The following RNF220 variants were observed in gnomAD, a reference collection of about 807,000 sequenced individuals.
The protein encoded by RNF220 is ring finger protein 220.
In RNF220, 7 loss-of-function variants were observed where a neutral mutation model predicts 67.1. That is an observed-to-expected ratio of 0.10 (90% CI 0.06 to 0.20). RNF220 has a LOEUF of 0.20. Among genes scored for constraint, RNF220 ranks in the 10% least tolerant of loss-of-function variants. The pLI is 1.00. For synonymous variants in RNF220, 270 were observed against 283.2 expected (o/e 0.95, Z 0.47); for missense variants, 565 against 740.3 (o/e 0.76, Z 2.75).
intron 2 of RNF220, among the ~76,000 whole-genome samples, chr1:44,438,936 A>G (rs1651267887): frequency 6.6e-6 from 1 of 152,220 alleles, no homozygotes; most frequent in Non-Finnish European, 1.5e-5. Context: ...ATAAATCTCC[A>G]TCACCATCAC....
chr1:44,614,112 GC>G, intron 2 of RNF220, 52 bp from the exon 3 acceptor site: 1 of 1,606,516 alleles, frequency 6.2e-7, no homozygotes, highest in Non-Finnish European at 8.5e-7. Flanking sequence ...TGCTGGGTCT[GC>G]CTCCTGGACT....
At chr1:44,572,596 A>G (rs1664518374) in intron 2 of RNF220, among the ~76,000 whole-genome samples, 1 of 151,830 alleles carries the variant, frequency 6.6e-6, no homozygotes, top group African/African-American at 2.4e-5. Flanking sequence ...GCAATATCCT[A>G]TTTACTGTTC....
At chr1:44,472,600 T>C (rs1267588381) in intron 2 of RNF220, among the ~76,000 whole-genome samples, 1 of 152,190 alleles carries the variant, frequency 6.6e-6, no homozygotes, top group Non-Finnish European at 1.5e-5. Context: ...ACATTTTGAA[T>C]GGTTCCCAAT....
intron 2 of RNF220, among the ~76,000 whole-genome samples, chr1:44,499,496 G>A (rs1657637023): frequency 6.6e-6 from 1 of 152,028 alleles, no homozygotes; most frequent in African/African-American, 2.4e-5. Flanking sequence ...TCCTCACTCC[G>A]CTTCTAGGAC....
chr1:44,602,994 C>T (rs1667032195), intron 2 of RNF220, among the ~76,000 whole-genome samples: 3 of 152,084 alleles, frequency 2.0e-5, no homozygotes, highest in East Asian at 1.9e-4. Flanking sequence ...TCCTCCTCCT[C>T]GGGCCGCCAC....
At chr1:44,552,020 C>T (rs1662675914) in intron 2 of RNF220, among the ~76,000 whole-genome samples, 1 of 152,210 alleles carries the variant, frequency 6.6e-6, no homozygotes, top group Non-Finnish European at 1.5e-5. Context: ...GCCATTGCCC[C>T]TCTAGTGCCT....
intron 2 of RNF220, among the ~76,000 whole-genome samples, chr1:44,440,918 A>T (rs549084598): frequency 2.7e-4 from 41 of 152,184 alleles, no homozygotes; most frequent in Middle Eastern, 6.3e-3. Context: ...CCTTGACATT[A>T]GCCAGATTCA....
intron 2 of RNF220, among the ~76,000 whole-genome samples, chr1:44,552,919 C>A (rs1662779079): frequency 6.6e-6 from 1 of 152,148 alleles, no homozygotes; most frequent in African/African-American, 2.4e-5. Context: ...TGATCTCTAC[C>A]ACTTTTCCAG....
chr1:44,608,480 T>A (rs1466021294), intron 2 of RNF220, among the ~76,000 whole-genome samples: 2 of 152,194 alleles, frequency 1.3e-5, no homozygotes, highest in Non-Finnish European at 1.5e-5. Flanking sequence ...TGGATTTAAA[T>A]CCCTGCTCTG....
At chr1:44,407,750 C>G (rs536244348) in intron 1 of RNF220, among the ~76,000 whole-genome samples, 1 of 152,186 alleles carries the variant, frequency 6.6e-6, no homozygotes, top group Non-Finnish European at 1.5e-5. Flanking sequence ...CCCGGCAGCC[C>G]CGCGCCGGTC....
In RNF220 at chr1:44,649,667, C is replaced by G. The variant is rs373145268; in HGVS notation, c.1452C>G (p.Thr484=). Residue 484 remains threonine, a synonymous_variant, in exon 13 of 15, where the codon ACC becomes ACG. Coordinates refer to ENST00000361799, the MANE Select transcript of RNF220 (RefSeq NM_018150.4). The surrounding 1 kb of genome is among the most constrained non-coding windows in gnomAD (Gnocchi z 5.9). ...CATGCCTTCCTTTTTACAGAATCACCGAAGATTCAGCTGTGACCACGTTTG... is the reference window on the plus strand; with the variant it reads ...CATGCCTTCCTTTTTACAGAATCACGGAAGATTCAGCTGTGACCACGTTTG... The part of the protein sequence containing the change: ...TCKNSDIEKI[T]EDSAVTTFEA... The G allele has an allele frequency of 6.2e-7, 1 of 1,613,754 alleles. No individual in the cohort carries two copies. The highest frequency in any genetic ancestry group is 8.5e-7 in the Non-Finnish European group (1 of 1,179,904).
chr1:44,629,000 G>A (rs1473864768), intron 5 of RNF220, among the ~76,000 whole-genome samples: 1 of 152,246 alleles, frequency 6.6e-6, no homozygotes, highest in Non-Finnish European at 1.5e-5. Flanking sequence ...GGTTGACTGG[G>A]CATTTCCTCA....
In RNF220 at chr1:44,622,502, G is replaced by C. The variant is rs1015988366; in HGVS notation, c.759-240G>C. Reference sequence around the variant, plus strand: ...TCCACTGGGAAATCTACCATGCCTAGTGTCTGTGTCTCCCTCCCAGGGGCC... The same window carrying C: ...TCCACTGGGAAATCTACCATGCCTACTGTCTGTGTCTCCCTCCCAGGGGCC... On this transcript the variant is annotated intron_variant, in intron 3 of 14. Coordinates refer to ENST00000361799, the MANE Select transcript of RNF220 (RefSeq NM_018150.4). This position sits in a 1 kb window ranked among gnomAD's most constrained non-coding sequence, Gnocchi z 4.3. Among the ~76,000 whole-genome samples, 5 of 152,190 alleles carry C rather than the reference G, an allele frequency of 3.3e-5. No individual in the cohort carries two copies. The highest frequency in any genetic ancestry group is 7.3e-5 in the Non-Finnish European group (5 of 68,030).
chr1:44,521,870 G>A (rs1448988919), intron 2 of RNF220, among the ~76,000 whole-genome samples: 1 of 147,258 alleles, frequency 6.8e-6, no homozygotes, highest in African/African-American at 2.4e-5. Flanking sequence ...TCTACTGAAT[G>A]AATGAGTGAA....
At chr1:44,438,444 CAAAATAATGTTTTAATA>C (rs1442462113) in intron 2 of RNF220, among the ~76,000 whole-genome samples, 3 of 152,116 alleles carry the variant, frequency 2.0e-5, no homozygotes, top group Non-Finnish European at 4.4e-5. Flanking sequence ...TTTACTTTGT[CAAAATAATGTTTTAATA>C]TGCCTATCAT....
intron 2 of RNF220, among the ~76,000 whole-genome samples, chr1:44,589,223 A>C (rs1665929184): frequency 1.3e-5 from 2 of 152,190 alleles, no homozygotes; most frequent in Admixed American, 1.3e-4. Context: ...CATTCATTTG[A>C]ATCCCAACCC....
rs147955106 is a variant in RNF220 at position 44,598,761 on chromosome 1, A to G, written c.626-15404A>G. On this transcript the variant is annotated intron_variant, in intron 2 of 14. Transcript: ENST00000361799. The stretch of plus-strand genomic sequence containing the variant: ...TGGTCACCCATTTCCCACCAGGTCT[A>G]TGACCACTTGATATTTTGGTAAGGA... Among the ~76,000 whole-genome samples, 72 of 152,264 alleles carry G rather than the reference A, an allele frequency of 4.7e-4. No individual in the cohort carries two copies. In the East Asian group the frequency reaches 9.8e-3, roughly 21 times the overall value.
chr1:44,647,274 T>C (rs1222496955), intron 12 of RNF220, among the ~76,000 whole-genome samples: 2 of 152,198 alleles, frequency 1.3e-5, no homozygotes, highest in Non-Finnish European at 2.9e-5. Flanking sequence ...CATAACTATA[T>C]AGGACTAGGC....
intron 2 of RNF220, among the ~76,000 whole-genome samples, chr1:44,519,719 G>A (rs1659754623): frequency 6.6e-6 from 1 of 152,214 alleles, no homozygotes; most frequent in Non-Finnish European, 1.5e-5. Flanking sequence ...TCCATGTAGA[G>A]AGAAGAATAG....
Sources: allele counts gnomAD v4.1 joint callset (sites outside exome capture counted in the v4.1 genomes callset), GRCh38; gene constraint gnomAD v4.1.1; non-coding constraint Gnocchi (gnomAD v3.1); transcripts MANE v1.5; gene names NCBI Gene and HGNC (gene_info 2026-07-23, HGNC 2026-07-21).